The following RIC1 variants were observed in gnomAD, a reference collection of about 807,000 sequenced individuals.
RIC1 encodes guanine nucleotide exchange factor subunit RIC1.
A neutral mutation model predicts 169.0 loss-of-function variants in RIC1; 88 were observed. The ratio of observed to expected loss-of-function variants is 0.52; its 90% CI spans 0.44 to 0.62. The LOEUF (loss-of-function observed/expected upper bound fraction) is 0.62. Among genes scored for constraint, RIC1 ranks in the 20% least tolerant of loss-of-function variants. The pLI, the probability that RIC1 is intolerant of heterozygous loss-of-function variation, is 0.00. For synonymous variants in RIC1, 790 were observed against 601.5 expected, an observed-to-expected ratio of 1.31 and a Z score of -4.59; for missense variants, 1,877 against 1,725.5, an observed-to-expected ratio of 1.09 and a Z score of -1.56.
chr9:5,753,115 A>G (rs1420056992), intron 12 of RIC1, 85 bp from the exon 13 acceptor site: 5 of 1,225,668 alleles, frequency 4.1e-6, no homozygotes, highest in East Asian at 2.3e-5. Flanking sequence ...GTTCGGCAAG[A>G]TGAATCTCAT....
intron 17 of RIC1, among the ~76,000 whole-genome samples, chr9:5,758,143 A>C (rs1826116686): frequency 6.6e-6 from 1 of 152,166 alleles, no homozygotes; most frequent in African/African-American, 2.4e-5. Flanking sequence ...AAGAAGTAGA[A>C]TGAGTATAGA....
chr9:5,722,177 G>A (rs1823636325), intron 6 of RIC1, among the ~76,000 whole-genome samples: 1 of 150,496 alleles, frequency 6.6e-6, no homozygotes, highest in Non-Finnish European at 1.5e-5. Context: ...CGTCAGCCAT[G>A]GTGCCCAGCC....
At chr9:5,768,110 C>G (rs1010018424) in intron 21 of RIC1, among the ~76,000 whole-genome samples, 1 of 152,180 alleles carries the variant, frequency 6.6e-6, no homozygotes, top group Non-Finnish European at 1.5e-5. Context: ...GGCTCTTTAC[C>G]CCACCACTAA....
chr9:5,667,612 C>G (rs942575256), intron 2 of RIC1, among the ~76,000 whole-genome samples: 2 of 151,340 alleles, frequency 1.3e-5, no homozygotes, highest in African/African-American at 4.9e-5. Context: ...TTAAGTAATC[C>G]TCTCCCTCAG....
intron 25 of RIC1, among the ~76,000 whole-genome samples, chr9:5,773,555 A>G (rs548296595): frequency 2.1e-4 from 32 of 152,286 alleles, no homozygotes; most frequent in African/African-American, 7.7e-4. Context: ...TTACCAGTTA[A>G]TGTGTGTATT....
chr9:5,637,785 C>A (rs970358146), intron 1 of RIC1, among the ~76,000 whole-genome samples: 1 of 152,132 alleles, frequency 6.6e-6, no homozygotes, highest in Non-Finnish European at 1.5e-5. Flanking sequence ...TTGTAAATGA[C>A]CGGATCTCAT....
intron 8 of RIC1, among the ~76,000 whole-genome samples, chr9:5,741,721 T>A (rs572100481): frequency 6.6e-6 from 1 of 152,328 alleles, no homozygotes; most frequent in East Asian, 1.9e-4. Flanking sequence ...AAAAAGCAGT[T>A]ATTTTATATT....
chr9:5,653,583 T>TC (rs1818924602), intron 1 of RIC1, among the ~76,000 whole-genome samples: 2 of 143,150 alleles, frequency 1.4e-5, no homozygotes, highest in Admixed American at 7.0e-5. Flanking sequence ...TCCATTTATT[T>TC]TTTTCTTTCT....
intron 2 of RIC1, among the ~76,000 whole-genome samples, chr9:5,680,910 T>C (rs2130641588): frequency 1.5e-5 from 2 of 130,842 alleles, no homozygotes; most frequent in South Asian, 5.4e-4. Flanking sequence ...CACTGCAAGC[T>C]CCGCCTCCCG....
chr9:5,743,948 C>T (rs1481016735), intron 10 of RIC1, among the ~76,000 whole-genome samples: 1 of 152,074 alleles, frequency 6.6e-6, no homozygotes, highest in African/African-American at 2.4e-5. Flanking sequence ...CTAGGCACAC[C>T]ACTATCCACA....
At chr9:5,758,933 C>T (rs946065161) in intron 17 of RIC1, among the ~76,000 whole-genome samples, 19 of 151,840 alleles carry the variant, frequency 1.3e-4, no homozygotes, top group Non-Finnish European at 2.1e-4. Context: ...TTAGTAGAGA[C>T]AGGGTTTCAC....
At chr9:5,773,359 CTTAGAA>C (rs1469546643) in intron 25 of RIC1, among the ~76,000 whole-genome samples, 1 of 152,074 alleles carries the variant, frequency 6.6e-6, no homozygotes, top group Non-Finnish European at 1.5e-5. Context: ...TGCAAATGAG[CTTAGAA>C]TTAGACTGGA....
chr9:5,767,691 G>A (rs1017964294), intron 21 of RIC1, among the ~76,000 whole-genome samples: 4 of 152,102 alleles, frequency 2.6e-5, no homozygotes, highest in Non-Finnish European at 2.9e-5. Flanking sequence ...AGGTTCAAGT[G>A]ATTCTTCTGC....
intron 2 of RIC1, among the ~76,000 whole-genome samples, chr9:5,679,262 G>A (rs1181576044): frequency 1.3e-5 from 2 of 152,186 alleles, no homozygotes; most frequent in African/African-American, 4.8e-5. Context: ...ATAGTTTGAA[G>A]TCAGGTAGTG....
chr9:5,703,334 C>G (rs72693708), intron 3 of RIC1, among the ~76,000 whole-genome samples: 1 of 152,158 alleles, frequency 6.6e-6, no homozygotes, highest in African/African-American at 2.4e-5. Flanking sequence ...ATTCTTAAAG[C>G]TCCAAAATAA....
chr9:5,758,054 G>A (rs558390751), intron 17 of RIC1, among the ~76,000 whole-genome samples: 1 of 152,274 alleles, frequency 6.6e-6, no homozygotes, highest in South Asian at 2.1e-4. Flanking sequence ...ACTGTAGGGA[G>A]AGCAACTGGG....
chr9:5,739,990 C>T (rs1029108378), intron 8 of RIC1, among the ~76,000 whole-genome samples: 22 of 152,176 alleles, frequency 1.4e-4, no homozygotes. Flanking sequence ...TTAGCTCTTT[C>T]TCTATAGGAG....
intron 2 of RIC1, among the ~76,000 whole-genome samples, chr9:5,683,389 G>A (rs1479944546): frequency 6.6e-6 from 1 of 152,228 alleles, no homozygotes; most frequent in Non-Finnish European, 1.5e-5. Flanking sequence ...CTGCAGGTCT[G>A]TTGGAGTTTG....
intron 2 of RIC1, among the ~76,000 whole-genome samples, chr9:5,659,593 G>A (rs755222267): frequency 6.6e-6 from 1 of 152,066 alleles, no homozygotes; most frequent in Non-Finnish European, 1.5e-5. Flanking sequence ...AGACTGCATT[G>A]AATCTGTAGT....
Sources: gnomAD v4.1 joint callset for allele counts (sites outside exome capture counted in the v4.1 genomes callset) on GRCh38, gnomAD v4.1.1 for gene constraint, MANE v1.5 for transcripts, NCBI Gene and HGNC (gene_info 2026-07-23, HGNC 2026-07-21) for gene names.